Variants in RAB3C observed in about 807,000 individuals in gnomAD.
The protein encoded by RAB3C is RAB3C, member RAS oncogene family, also known as ras-related protein Rab-3C.
Under a neutral mutation model 26.4 loss-of-function variants are expected in RAB3C, and 17 were observed. The ratio of observed to expected loss-of-function variants is 0.64; its 90% CI spans 0.44 to 0.97. The LOEUF (loss-of-function observed/expected upper bound fraction) is 0.97, where lower values mean the gene tolerates loss of function less well. Among genes scored for constraint, RAB3C ranks in the 50% least tolerant of loss-of-function variants. The pLI is 0.00. For synonymous variants in RAB3C, 91 were observed against 95.9 expected, an observed-to-expected ratio of 0.95 and a Z score of 0.30; for missense variants, 242 against 281.9, an observed-to-expected ratio of 0.86 and a Z score of 1.01.
intron 2 of RAB3C, among the ~76,000 whole-genome samples, chr5:58,693,792 A>G (rs912518264): frequency 6.6e-6 from 1 of 152,222 alleles, no homozygotes; most frequent in Non-Finnish European, 1.5e-5. Flanking sequence ...GCCTGATGGC[A>G]TGCCAATTCT....
chr5:58,583,324 G>C, intron 1 of RAB3C, 92 bp downstream of exon 1: 1 of 1,588,500 alleles, frequency 6.3e-7, no homozygotes, highest in East Asian at 2.3e-5. Context: ...GTAAGGAAAG[G>C]TCTAGGCGGT....
At chr5:58,701,346 G>T (rs1021389979) in intron 2 of RAB3C, among the ~76,000 whole-genome samples, 2 of 152,094 alleles carry the variant, frequency 1.3e-5, no homozygotes, top group Admixed American at 1.3e-4. Flanking sequence ...TTCTTCAGGT[G>T]TTATCAATTT....
chr5:58,667,672 ATAT>A (rs1417872562), intron 2 of RAB3C, among the ~76,000 whole-genome samples: 3 of 152,136 alleles, frequency 2.0e-5, no homozygotes. Flanking sequence ...AGTTGTATAT[ATAT>A]TATATATCAT....
chr5:58,633,786 T>C (rs1362203229), intron 2 of RAB3C, among the ~76,000 whole-genome samples: 1 of 152,140 alleles, frequency 6.6e-6, no homozygotes, highest in Non-Finnish European at 1.5e-5. Context: ...TATAGTAATA[T>C]CTAACAGAGT....
chr5:58,857,162 G>A lies in RAB3C; in HGVS notation c.*5811G>A, dbSNP rs1181013356. 2.6e-5 allele frequency: 4 copies of A among 152,162 alleles called. No homozygotes were observed. The highest frequency in any genetic ancestry group is 5.9e-5 in the Non-Finnish European group (4 of 68,024). The allele number at this position is 152,162 out of a possible 1,614,324, so 9.4% of individuals were successfully genotyped here. A position where few individuals can be genotyped will look rare whatever the true frequency, so the allele number is the denominator to read the frequency against. On this transcript the variant is annotated 3_prime_UTR_variant, in exon 5 of 5. Coordinates refer to ENST00000282878, the MANE Select transcript of RAB3C (RefSeq NM_138453.4). ...TGAAAGAGTGAATTATAATGAATGT[G>A]TGAGATGCTTTGATAGCTGTGTGAC...
intron 1 of RAB3C, among the ~76,000 whole-genome samples, chr5:58,585,218 C>T (rs1194276977): frequency 6.6e-6 from 1 of 151,440 alleles, no homozygotes; most frequent in Non-Finnish European, 1.5e-5. Flanking sequence ...TTATGGTGAC[C>T]CCATCTCCAT....
chr5:58,766,180 C>T (rs1260668313), intron 3 of RAB3C, among the ~76,000 whole-genome samples: 3 of 150,648 alleles, frequency 2.0e-5, no homozygotes, highest in Non-Finnish European at 2.9e-5. Flanking sequence ...TGCAGTGGCA[C>T]GATCTCACCT....
chr5:58,741,187 A>G (rs1455433346), intron 3 of RAB3C, among the ~76,000 whole-genome samples: 1 of 152,240 alleles, frequency 6.6e-6, no homozygotes, highest in Non-Finnish European at 1.5e-5. Flanking sequence ...CCTCAGAGAC[A>G]TTACCCTAAT....
chr5:58,589,022 T>C (rs1746072251), intron 1 of RAB3C, among the ~76,000 whole-genome samples: 1 of 152,088 alleles, frequency 6.6e-6, no homozygotes, highest in Non-Finnish European at 1.5e-5. Flanking sequence ...TATCATCAAG[T>C]GTGAAATTAG....
chr5:58,585,377 C>A (rs1745990078), intron 1 of RAB3C, among the ~76,000 whole-genome samples: 1 of 151,864 alleles, frequency 6.6e-6, no homozygotes, highest in African/African-American at 2.4e-5. Context: ...GACAATGCAA[C>A]AAGATAAATA....
chr5:58,751,625 G>A (rs1741527072), intron 3 of RAB3C, among the ~76,000 whole-genome samples: 1 of 152,212 alleles, frequency 6.6e-6, no homozygotes, highest in Non-Finnish European at 1.5e-5. Context: ...ATTGTCATAT[G>A]GCTAAAGTCC....
At chr5:58,795,804 G>T (rs1209659067) in intron 3 of RAB3C, among the ~76,000 whole-genome samples, 2 of 152,018 alleles carry the variant, frequency 1.3e-5, no homozygotes, top group East Asian at 3.8e-4. Context: ...TAGGAGGTAG[G>T]GCAGAAGTGT....
At chr5:58,824,617 T>C (rs1231571833) in intron 3 of RAB3C, among the ~76,000 whole-genome samples, 1 of 152,154 alleles carries the variant, frequency 6.6e-6, no homozygotes, top group Non-Finnish European at 1.5e-5. Context: ...GTGCTGTAAA[T>C]AGGTTGGGCA....
At chr5:58,593,425 TA>T (rs1746180408) in intron 1 of RAB3C, among the ~76,000 whole-genome samples, 1 of 152,192 alleles carries the variant, frequency 6.6e-6, no homozygotes, top group Admixed American at 6.5e-5. Context: ...GAAATGTAAA[TA>T]ATAACATTAG....
intron 2 of RAB3C, among the ~76,000 whole-genome samples, chr5:58,705,627 C>T (rs1748928458): frequency 6.6e-6 from 1 of 152,108 alleles, no homozygotes; most frequent in African/African-American, 2.4e-5. Flanking sequence ...TCTCTTGCAA[C>T]TGTGTTTATG....
intron 3 of RAB3C, among the ~76,000 whole-genome samples, chr5:58,739,897 A>G (rs1484183746): frequency 1.3e-5 from 2 of 152,232 alleles, no homozygotes; most frequent in Admixed American, 1.3e-4. Flanking sequence ...TTTCCTTTCT[A>G]CAGCATATTG....
intron 3 of RAB3C, among the ~76,000 whole-genome samples, chr5:58,771,316 G>C (rs1380512170): frequency 1.3e-5 from 2 of 152,038 alleles, no homozygotes; most frequent in African/African-American, 4.8e-5. Flanking sequence ...CTTTAAAAGA[G>C]ATTCTGTTTT....
chr5:58,657,018 CTG>C (rs35404651), intron 2 of RAB3C, among the ~76,000 whole-genome samples: 58,276 of 151,898 alleles, frequency 0.38, 11,404 homozygotes, highest in East Asian at 0.48. Context: ...GATAAAGAAA[CTG>C]TGGTATATTT....
At chr5:58,597,765 AAC>A (rs1561261239) in intron 1 of RAB3C, among the ~76,000 whole-genome samples, 4 of 114,792 alleles carry the variant, frequency 3.5e-5, no homozygotes, top group African/African-American at 1.5e-4. Flanking sequence ...ATAAGTATAT[AAC>A]ATATAATACA....
Sources: gnomAD v4.1 joint callset for allele counts (sites outside exome capture counted in the v4.1 genomes callset) on GRCh38, gnomAD v4.1.1 for gene constraint, MANE v1.5 for transcripts, NCBI Gene and HGNC (gene_info 2026-07-23, HGNC 2026-07-21) for gene names.